The following CFAP263 variants were observed in gnomAD, a reference collection of about 807,000 sequenced individuals.
The protein encoded by CFAP263 is cilia and flagella associated protein 263.
chr16:58,254,215 C>G, the CFAP263 span: 2 of 1,563,974 alleles, frequency 1.3e-6, no homozygotes, highest in Non-Finnish European at 1.8e-6. Flanking sequence ...CTCTACCCCA[C>G]TGAGAGGTAT....
At chr16:58,252,678 A>C in the CFAP263 span, 2 of 1,563,450 alleles carry the variant, frequency 1.3e-6, no homozygotes, top group Non-Finnish European at 1.8e-6. Context: ...TAGTTATTTG[A>C]GGTTTAAACT....
At chr16:58,280,383 T>C in the CFAP263 span, 7 of 1,614,214 alleles carry the variant, frequency 4.3e-6, no homozygotes, top group Non-Finnish European at 5.9e-6. Flanking sequence ...GAGACCTGCC[T>C]GATTCCTTTA....
At chr16:58,251,832 ATGTG>A in the CFAP263 span, among the ~76,000 whole-genome samples, 5 of 152,360 alleles carry the variant, frequency 3.3e-5, no homozygotes, top group South Asian at 1.0e-3. Flanking sequence ...ATACATACAT[ATGTG>A]TGTGTAACAC....
At chr16:58,279,653 T>A in the CFAP263 span, 1 of 1,512,402 alleles carries the variant, frequency 6.6e-7, no homozygotes, top group Non-Finnish European at 8.8e-7. Flanking sequence ...CCATCTCCTT[T>A]ATCATTTTTT....
At chr16:58,272,075 C>T in the CFAP263 span, among the ~76,000 whole-genome samples, 3 of 150,184 alleles carry the variant, frequency 2.0e-5, no homozygotes, top group South Asian at 4.2e-4. Flanking sequence ...AGTGCAGTGG[C>T]GTGATCTCGG....
At chr16:58,278,781 C>A in the CFAP263 span, 2 of 726,700 alleles carry the variant, frequency 2.8e-6, no homozygotes, top group Non-Finnish European at 4.4e-6. Flanking sequence ...ACTATTAAAC[C>A]AAGACGAAGG....
At chr16:58,262,430 T>C in the CFAP263 span, 4 of 1,613,268 alleles carry the variant, frequency 2.5e-6, no homozygotes, top group African/African-American at 2.7e-5. Flanking sequence ...TTTTCAGCAG[T>C]TGAAGATAGA....
At chr16:58,263,276 AC>A in the CFAP263 span, among the ~76,000 whole-genome samples, 1 of 152,302 alleles carries the variant, frequency 6.6e-6, no homozygotes, top group South Asian at 2.1e-4. Context: ...ATTATAGAAA[AC>A]ACTAACTTGA....
At chr16:58,265,104 T>G in the CFAP263 span, among the ~76,000 whole-genome samples, 2 of 152,236 alleles carry the variant, frequency 1.3e-5, no homozygotes, top group Non-Finnish European at 2.9e-5. Context: ...CCAGACTGCC[T>G]GTAAACTAGT....
the CFAP263 span, among the ~76,000 whole-genome samples, chr16:58,253,341 G>A: frequency 5.2e-3 from 789 of 151,860 alleles, 10 homozygotes; most frequent in East Asian, 0.056. Context: ...TGATCACACT[G>A]CTACACTCCA....
At chr16:58,266,880 G>T in the CFAP263 span, among the ~76,000 whole-genome samples, 1 of 152,192 alleles carries the variant, frequency 6.6e-6, no homozygotes, top group Non-Finnish European at 1.5e-5. Context: ...CTCGTTAGGC[G>T]ATGAGATGGT....
the CFAP263 span, among the ~76,000 whole-genome samples, chr16:58,261,040 G>T: frequency 6.6e-6 from 1 of 152,060 alleles, no homozygotes; most frequent in Non-Finnish European, 1.5e-5. Context: ...CTGTCTGAGC[G>T]GCCCCTACCT....
chr16:58,253,931 T>C, the CFAP263 span: 1 of 1,556,786 alleles, frequency 6.4e-7, no homozygotes, highest in East Asian at 2.2e-5. Context: ...ATCATTCTGA[T>C]GCCTATCTTG....
the CFAP263 span, among the ~76,000 whole-genome samples, chr16:58,254,570 A>G: frequency 6.6e-6 from 1 of 151,924 alleles, no homozygotes; most frequent in Non-Finnish European, 1.5e-5. Flanking sequence ...AGATATAACC[A>G]TGATAACCCT....
chr16:58,275,984 A>G, the CFAP263 span, among the ~76,000 whole-genome samples: 1 of 152,266 alleles, frequency 6.6e-6, no homozygotes, highest in African/African-American at 2.4e-5. Context: ...TTATATAAAA[A>G]TGAAAGTTTT....
the CFAP263 span, among the ~76,000 whole-genome samples, chr16:58,271,533 T>C: frequency 3.3e-5 from 5 of 152,242 alleles, no homozygotes; most frequent in Admixed American, 3.3e-4. Flanking sequence ...CATTTACTGC[T>C]ATGTCTCCTT....
chr16:58,256,404 G>T, the CFAP263 span, among the ~76,000 whole-genome samples: 1 of 152,182 alleles, frequency 6.6e-6, no homozygotes, highest in Non-Finnish European at 1.5e-5. Flanking sequence ...GCATGATCTT[G>T]AAGAATGATG....
the CFAP263 span, chr16:58,250,148 T>G: frequency 2.9e-6 from 4 of 1,374,796 alleles, no homozygotes; most frequent in South Asian, 5.0e-5. Flanking sequence ...GCCGCCCCTC[T>G]TCCTCCTAGG....
chr16:58,279,476 G>C, the CFAP263 span, among the ~76,000 whole-genome samples: 1 of 152,080 alleles, frequency 6.6e-6, no homozygotes, highest in African/African-American at 2.4e-5. Flanking sequence ...GAAGAAACAT[G>C]CTCTATAGAA....
Sources: gnomAD v4.1 joint callset for allele counts (sites outside exome capture counted in the v4.1 genomes callset) on GRCh38, gnomAD v4.1.1 for gene constraint, MANE v1.5 for transcripts, NCBI Gene and HGNC (gene_info 2026-07-23, HGNC 2026-07-21) for gene names.